The following LTBP2 variants were observed in gnomAD, a reference collection of about 807,000 sequenced individuals.
LTBP2 encodes latent-transforming growth factor beta-binding protein 2.
In LTBP2, 103 loss-of-function variants were observed where a neutral mutation model predicts 210.6. That is an observed-to-expected ratio of 0.49 (90% CI 0.42 to 0.58). LTBP2 has a LOEUF of 0.58. LTBP2 is among the 20% of genes least tolerant of loss of function. The pLI is 0.00. For missense variants in LTBP2, 2,313 were observed against 2,494.5 expected, an observed-to-expected ratio of 0.93 and a Z score of 1.55; for synonymous variants, 1,007 against 1,015.0, an observed-to-expected ratio of 0.99 and a Z score of 0.15.
At chr14:74,563,726 A>G (rs1272064022) in intron 3 of LTBP2, among the ~76,000 whole-genome samples, 1 of 151,914 alleles carries the variant, frequency 6.6e-6, no homozygotes, top group Admixed American at 6.6e-5. Context: ...TGCCCTCCTC[A>G]TCTGTGACTG....
At position 74,519,001 on chromosome 14, in the gene LTBP2, A is replaced by G. The variant is rs556867903; in HGVS notation, c.2789-2060T>C. Among the ~76,000 whole-genome samples the G allele has an allele frequency of 1.2e-4, 19 of 152,352 alleles. No homozygotes were observed. In the East Asian group the frequency reaches 3.5e-3, roughly 28 times the overall value. ...GCTGGAAAACTCCCTCACTCCATGG[A>G]GAAAAATGGAGACGTGAATAGAGAA... On this transcript the variant is annotated intron_variant, in intron 17 of 35. Coordinates refer to ENST00000261978, the MANE Select transcript of LTBP2 (RefSeq NM_000428.3).
At chr14:74,530,066 T>C (rs913862840) in intron 10 of LTBP2, among the ~76,000 whole-genome samples, 1 of 152,224 alleles carries the variant, frequency 6.6e-6, no homozygotes, top group African/African-American at 2.4e-5. Context: ...ATGAGAATGA[T>C]GATTCCATCG....
chr14:74,549,803 A>G lies in LTBP2; in HGVS notation c.1789+60T>C, dbSNP rs373197518. 1.6e-3 allele frequency: 2,289 copies of G among 1,401,902 alleles called. 11 individuals carry two copies. The highest frequency in any genetic ancestry group is 3.6e-3 in the South Asian group (310 of 86,894). 86.8% of individuals were successfully genotyped at this position (1,401,902 alleles called of 1,614,324 possible). ...ATCCTGGAGGGGAAACCCTGGCAGG[A>G]GAGGGCAGGCCCAGGGAGAGCTTCC... On this transcript the variant is annotated intron_variant, in intron 8 of 35. Transcript: ENST00000261978.
chr14:74,510,324 G>T, intron 19 of LTBP2, 111 bp from the exon 20 acceptor site: 1 of 1,507,228 alleles, frequency 6.6e-7, no homozygotes, highest in Non-Finnish European at 9.0e-7. Flanking sequence ...CCTTCAGAGG[G>T]GCCGCAGGCC....
intron 2 of LTBP2, among the ~76,000 whole-genome samples, chr14:74,597,543 G>T (rs1364459951): frequency 6.6e-6 from 1 of 152,196 alleles, no homozygotes; most frequent in Admixed American, 6.5e-5. Flanking sequence ...AGAGGGCCAG[G>T]CACTCCACTG....
In LTBP2 at chr14:74,608,422, A is replaced by G. The variant is rs560823528; in HGVS notation, c.494+3029T>C. Among the ~76,000 whole-genome samples, 4 of 151,984 alleles carry G rather than the reference A, an allele frequency of 2.6e-5. No individual in the cohort carries two copies. In the South Asian group the frequency reaches 6.3e-4, roughly 24 times the overall value. ...CTGTGAGGCTGGTTCAAAAAACCCT[A>G]TAGAGGCCAGGCGTGGTGGCTCACA... is the stretch of plus-strand genomic sequence containing the variant. On this transcript the variant is annotated intron_variant, in intron 1 of 35. Coordinates refer to ENST00000261978, the MANE Select transcript of LTBP2 (RefSeq NM_000428.3).
Position 74,549,956 on chromosome 14 carries a change from G to C in LTBP2, c.1696C>G (p.Pro566Ala), listed in dbSNP as rs761595193. ...TCCTGGGTAGTCAGCTCCAGCAGAG[G>C]GTTGGCACACTGGAAGGAGAGGCCA... ...LNTVNGQCAN[P>A]LLELTTQEDC... is the part of the protein sequence containing the mutation. The change falls in exon 8 of 36, where the codon CCT (proline) becomes GCT (alanine). Residue 566 changes from proline to alanine, a missense_variant. Around this residue, in one of 3 missense-constraint regions of LTBP2, gnomAD observed 1,867 missense variants for 1,976.9 expected, o/e 0.94. Transcript: ENST00000261978. The C allele has an allele frequency of 6.2e-7, 1 of 1,612,836 alleles. No homozygotes were observed. Among genetic ancestry groups the C allele is most frequent in the Non-Finnish European group, 8.5e-7 (1 of 1,178,814 alleles).
chr14:74,549,993 G>C, intron 7 of LTBP2, 28 bp from the exon 8 acceptor site: 1 of 1,430,012 alleles, frequency 7.0e-7, no homozygotes. Context: ...GGACACCTGT[G>C]ACCACCCCCC....
intron 3 of LTBP2, among the ~76,000 whole-genome samples, chr14:74,564,305 A>T (rs1389191576): frequency 1.8e-5 from 1 of 54,260 alleles, no homozygotes; most frequent in Non-Finnish European, 3.0e-5. Context: ...ATTTATATAT[A>T]TTTATATATA....
Position 74,528,642 on chromosome 14 carries a change from T to C in LTBP2, c.2209A>G (p.Ile737Val). ...GHGYTYASSDIRLSMRKAEEE... is the reference protein window; with the variant it reads ...GHGYTYASSDVRLSMRKAEEE... ...TCGGCTTTCCTCATGGACAGGCGGA[T>C]GTCGGAGCTCGCGTAGGTGTAGCCG... The change falls in exon 12 of 36, where the codon ATC becomes GTC. Residue 737 changes from isoleucine (I) to valine (V), a missense_variant. Around this residue, in one of 3 missense-constraint regions of LTBP2, gnomAD observed 1,867 missense variants for 1,976.9 expected, o/e 0.94. Transcript: ENST00000261978. 3 of 1,613,474 alleles carry C rather than the reference T, an allele frequency of 1.9e-6. No homozygotes were observed. The highest frequency in any genetic ancestry group is 2.5e-6 in the Non-Finnish European group (3 of 1,180,040).
intron 18 of LTBP2, among the ~76,000 whole-genome samples, chr14:74,513,766 C>T (rs2087101600): frequency 6.6e-6 from 1 of 152,116 alleles, no homozygotes; most frequent in South Asian, 2.1e-4. Context: ...GATCACACCA[C>T]TGCACTCCAG....
At chr14:74,542,027 C>G (rs766706283) in intron 8 of LTBP2, among the ~76,000 whole-genome samples, 2 of 152,182 alleles carry the variant, frequency 1.3e-5, no homozygotes, top group Non-Finnish European at 2.9e-5. Context: ...TTCAAGGAGG[C>G]CTTGCAGGGC....
intron 1 of LTBP2, among the ~76,000 whole-genome samples, chr14:74,609,817 C>T (rs1283709156): frequency 6.6e-6 from 1 of 152,250 alleles, no homozygotes; most frequent in African/African-American, 2.4e-5. Flanking sequence ...AATTGGGTTG[C>T]TCTCCCAGCA....
intron 7 of LTBP2, among the ~76,000 whole-genome samples, chr14:74,550,630 A>G (rs1162477293): frequency 6.6e-6 from 1 of 152,138 alleles, no homozygotes; most frequent in African/African-American, 2.4e-5. Flanking sequence ...TCTTTGTACC[A>G]CCAGGGCTTT....
intron 8 of LTBP2, among the ~76,000 whole-genome samples, chr14:74,541,354 C>T (rs1173512440): frequency 6.6e-6 from 1 of 152,196 alleles, no homozygotes; most frequent in Non-Finnish European, 1.5e-5. Flanking sequence ...GAAGACCAAA[C>T]ACTCAAATGG....
intron 34 of LTBP2, 60 bp from the exon 35 acceptor site, chr14:74,501,650 T>A (rs2086912840): frequency 6.2e-7 from 1 of 1,607,006 alleles, no homozygotes; most frequent in Non-Finnish European, 8.5e-7. Context: ...CTCTCCCTAA[T>A]GCTGGGACCC....
chr14:74,604,038 C>A (rs1382325291), intron 1 of LTBP2, among the ~76,000 whole-genome samples: 6 of 151,902 alleles, frequency 3.9e-5, no homozygotes, highest in African/African-American at 1.5e-4. Flanking sequence ...GATCCTAAAG[C>A]TAATAAGCCA....
intron 1 of LTBP2, among the ~76,000 whole-genome samples, chr14:74,605,674 CT>C (rs1409759944): frequency 1.3e-5 from 2 of 152,220 alleles, no homozygotes; most frequent in Non-Finnish European, 2.9e-5. Context: ...ACGCAGGAGC[CT>C]GCCTGGCTGG....
chr14:74,610,545 C>T (rs1006019640), intron 1 of LTBP2, among the ~76,000 whole-genome samples: 2 of 152,228 alleles, frequency 1.3e-5, no homozygotes, highest in Non-Finnish European at 2.9e-5. Context: ...GATGGTGCCC[C>T]CACCCAGCCC....
Sources: allele counts gnomAD v4.1 joint callset (sites outside exome capture counted in the v4.1 genomes callset), GRCh38; gene constraint gnomAD v4.1.1; regional missense constraint gnomAD v4.1.1; transcripts MANE v1.5; gene names NCBI Gene and HGNC (gene_info 2026-07-23, HGNC 2026-07-21).